The following CNTLN variants were observed in gnomAD, a reference collection of about 807,000 sequenced individuals.
CNTLN encodes centlein, centrosomal protein.
In CNTLN, 212 loss-of-function variants were observed where a neutral mutation model predicts 180.0. The observed-to-expected ratio is 1.18, with a 90% confidence interval of 1.05 to 1.32. CNTLN has a LOEUF of 1.32. Among genes scored for constraint, CNTLN ranks in the 40% most tolerant of loss-of-function variants. The pLI, the probability that CNTLN is intolerant of heterozygous loss-of-function variation, is 0.00. For synonymous variants in CNTLN, 722 were observed against 563.1 expected, an observed-to-expected ratio of 1.28 and a Z score of -3.99; for missense variants, 2,095 against 1,610.9, an observed-to-expected ratio of 1.30 and a Z score of -5.14.
At chr9:17,388,351 G>T (rs534653746) in intron 14 of CNTLN, 98 bp downstream of exon 14, 3 of 709,684 alleles carry the variant, frequency 4.2e-6, no homozygotes, top group East Asian at 5.3e-5. Context: ...TGTAAACCTT[G>T]TGTGAATCCT....
intron 2 of CNTLN, among the ~76,000 whole-genome samples, chr9:17,204,630 C>T (rs1034625657): frequency 2.6e-5 from 4 of 152,132 alleles, no homozygotes; most frequent in Non-Finnish European, 4.4e-5. Context: ...AGGTTTCTCC[C>T]AGTCAGAAGG....
intron 18 of CNTLN, among the ~76,000 whole-genome samples, chr9:17,439,860 T>C (rs1004717083): frequency 6.6e-5 from 10 of 152,194 alleles, no homozygotes; most frequent in African/African-American, 2.4e-4. Context: ...CTTGGAAGAA[T>C]GGCCTCACCA....
intron 12 of CNTLN, among the ~76,000 whole-genome samples, chr9:17,356,954 C>G (rs1185252657): frequency 6.6e-6 from 1 of 151,940 alleles, no homozygotes; most frequent in Non-Finnish European, 1.5e-5. Context: ...TACAATTAGC[C>G]TACACTGTAG....
chr9:17,429,359 C>T (rs1209223399), intron 18 of CNTLN, among the ~76,000 whole-genome samples: 1 of 151,968 alleles, frequency 6.6e-6, no homozygotes, highest in African/African-American at 2.4e-5. Context: ...ACTGTGGCAA[C>T]AGTTGTATGA....
At chr9:17,439,773 G>C (rs1385589896) in intron 18 of CNTLN, among the ~76,000 whole-genome samples, 2 of 152,112 alleles carry the variant, frequency 1.3e-5, no homozygotes, top group Admixed American at 1.3e-4. Flanking sequence ...ATGAGGGCGG[G>C]GCCCCCATGA....
chr9:17,320,825 A>C (rs538982588), intron 8 of CNTLN, among the ~76,000 whole-genome samples: 1 of 152,210 alleles, frequency 6.6e-6, no homozygotes, highest in East Asian at 1.9e-4. Context: ...ATTTATTCTG[A>C]TCCCTGATTG....
intron 8 of CNTLN, among the ~76,000 whole-genome samples, chr9:17,329,250 G>C (rs563247195): frequency 6.6e-6 from 1 of 152,088 alleles, no homozygotes; most frequent in Non-Finnish European, 1.5e-5. Flanking sequence ...GACAAGAGCA[G>C]GTAGCCTTTG....
At chr9:17,431,655 T>C (rs1011597155) in intron 18 of CNTLN, among the ~76,000 whole-genome samples, 1 of 152,084 alleles carries the variant, frequency 6.6e-6, no homozygotes, top group African/African-American at 2.4e-5. Flanking sequence ...TGTTTCTTCC[T>C]AGTAGTTTCA....
chr9:17,325,353 G>A (rs1015850877), intron 8 of CNTLN, among the ~76,000 whole-genome samples: 1 of 147,836 alleles, frequency 6.8e-6, no homozygotes, highest in Non-Finnish European at 1.5e-5. Flanking sequence ...TTCATGAGAA[G>A]AAAAGTGTGT....
At chr9:17,179,261 A>AAAAAAAAAAAAAAG (rs762439606) in intron 2 of CNTLN, among the ~76,000 whole-genome samples, 11 of 138,672 alleles carry the variant, frequency 7.9e-5, no homozygotes, top group African/African-American at 3.3e-4. Context: ...AAAAAAAAAA[A>AAAAAAAAAAAAAAG]AAGAAGAAGT....
intron 14 of CNTLN, among the ~76,000 whole-genome samples, chr9:17,389,874 A>G (rs1276998987): frequency 1.3e-5 from 2 of 152,166 alleles, no homozygotes; most frequent in Non-Finnish European, 2.9e-5. Flanking sequence ...ATTTGGAGAT[A>G]GGGTCCTTAA....
intron 2 of CNTLN, among the ~76,000 whole-genome samples, chr9:17,197,490 T>A (rs1035540397): frequency 6.6e-6 from 1 of 152,192 alleles, no homozygotes; most frequent in Non-Finnish European, 1.5e-5. Context: ...TGTGCCATGT[T>A]GGTGGAGCAC....
chr9:17,372,006 AAAG>A, intron 13 of CNTLN, among the ~76,000 whole-genome samples: 1 of 152,294 alleles, frequency 6.6e-6, no homozygotes, highest in East Asian at 1.9e-4. Context: ...TGCCTACATC[AAAG>A]AAGAAGAAAA....
In CNTLN at chr9:17,390,413, G is replaced by C. The variant is rs932329518; in HGVS notation, c.2079+2160G>C. ...GCCACTATGCCTGGCTAATTTTTGT[G>C]TTTTTCGTAGAGATGAGGTTTCATT... is the stretch of plus-strand genomic sequence containing the variant. On this transcript the variant is annotated intron_variant, in intron 14 of 25. Coordinates refer to ENST00000380647, the MANE Select transcript of CNTLN (RefSeq NM_017738.4). Among the ~76,000 whole-genome samples the C allele has an allele frequency of 1.1e-4, 17 of 151,276 alleles. 1 individual carries two copies. The highest frequency in any genetic ancestry group is 1.1e-3 in the Admixed American group (17 of 15,170).
intron 8 of CNTLN, among the ~76,000 whole-genome samples, chr9:17,316,076 C>G (rs1819523083): frequency 1.3e-5 from 2 of 151,352 alleles, no homozygotes; most frequent in Non-Finnish European, 3.0e-5. Context: ...CTTTTTTTCT[C>G]TTTAATTCTA....
At chr9:17,212,923 C>T (rs944926536) in intron 2 of CNTLN, among the ~76,000 whole-genome samples, 10 of 151,848 alleles carry the variant, frequency 6.6e-5, no homozygotes, top group South Asian at 2.1e-4. Flanking sequence ...TTTTTTATTG[C>T]GTCTATTTGA....
At chr9:17,513,568 G>A in the CNTLN span, among the ~76,000 whole-genome samples, 1 of 152,090 alleles carries the variant, frequency 6.6e-6, no homozygotes. Context: ...GTGGTGGCAT[G>A]CACCTGTAGT....
the CNTLN span, among the ~76,000 whole-genome samples, chr9:17,525,744 T>C: frequency 0.21 from 32,511 of 151,994 alleles, 4,483 homozygotes; most frequent in Middle Eastern, 0.36. Context: ...TCACTAAATT[T>C]AAGGTCATAG....
chr9:17,463,283 T>G (rs1226495823), intron 20 of CNTLN, among the ~76,000 whole-genome samples: 1 of 151,554 alleles, frequency 6.6e-6, no homozygotes, highest in African/African-American at 2.4e-5. Context: ...TTCGAGACAA[T>G]GAATGAAAAA....
Sources: allele counts gnomAD v4.1 joint callset (sites outside exome capture counted in the v4.1 genomes callset), GRCh38; gene constraint gnomAD v4.1.1; transcripts MANE v1.5; gene names NCBI Gene and HGNC (gene_info 2026-07-23, HGNC 2026-07-21).